RALYL: variants seen among roughly 807,000 people sequenced by gnomAD.
RALYL encodes the protein RALY RNA binding protein like, also known as RNA-binding Raly-like protein.
In RALYL, 29 loss-of-function variants were observed where a neutral mutation model predicts 35.1. The ratio of observed to expected loss-of-function variants is 0.83; its 90% CI spans 0.61 to 1.13. The LOEUF is 1.13. Among genes scored for constraint, RALYL ranks in the 50% most tolerant of loss-of-function variants. The pLI is 0.00. For missense variants in RALYL, 359 were observed against 360.4 expected, an observed-to-expected ratio of 1.00 and a Z score of 0.03; for synonymous variants, 120 against 127.6, an observed-to-expected ratio of 0.94 and a Z score of 0.40.
intron 2 of RALYL, among the ~76,000 whole-genome samples, chr8:84,687,417 A>G (rs1265142863): frequency 1.3e-5 from 2 of 152,142 alleles, no homozygotes; most frequent in African/African-American, 4.8e-5. Context: ...GAGTGAAAAC[A>G]ACATTATTAT....
At chr8:84,231,728 G>T (rs369384757) in intron 1 of RALYL, among the ~76,000 whole-genome samples, 3 of 152,110 alleles carry the variant, frequency 2.0e-5, no homozygotes, top group African/African-American at 7.2e-5. Flanking sequence ...GTAGTTGTTG[G>T]GTTATCATTG....
chr8:84,782,518 A>G (rs1394724166), intron 3 of RALYL, among the ~76,000 whole-genome samples: 1 of 152,236 alleles, frequency 6.6e-6, no homozygotes, highest in Non-Finnish European at 1.5e-5. Context: ...GATTCTTTCT[A>G]ACTGTTGGTT....
chr8:84,747,594 A>G (rs1446890540), intron 2 of RALYL, among the ~76,000 whole-genome samples: 3 of 151,956 alleles, frequency 2.0e-5, no homozygotes, highest in Non-Finnish European at 2.9e-5. Flanking sequence ...CAGTCTTCCT[A>G]AGAACATAAG....
intron 2 of RALYL, among the ~76,000 whole-genome samples, chr8:84,773,600 C>G (rs1163643157): frequency 7.0e-6 from 1 of 142,326 alleles, no homozygotes; most frequent in Non-Finnish European, 1.6e-5. Flanking sequence ...CATACTTAAA[C>G]CTCTTTTTGT....
chr8:84,704,476 C>CAT (rs1840803116), intron 2 of RALYL, among the ~76,000 whole-genome samples: 1 of 133,336 alleles, frequency 7.5e-6, no homozygotes, highest in Admixed American at 7.1e-5. Context: ...CACACACACA[C>CAT]ACACACAACA....
At chr8:84,467,116 G>A (rs1010823822) in intron 1 of RALYL, among the ~76,000 whole-genome samples, 2 of 151,914 alleles carry the variant, frequency 1.3e-5, no homozygotes, top group Non-Finnish European at 2.9e-5. Context: ...TTAATTTTTT[G>A]AAGGGTTTTT....
intron 1 of RALYL, among the ~76,000 whole-genome samples, chr8:84,292,658 A>G (rs1222371467): frequency 2.6e-5 from 4 of 152,178 alleles, no homozygotes; most frequent in Non-Finnish European, 5.9e-5. Flanking sequence ...ACCGCTGGTC[A>G]TCCTCACTGC....
chr8:84,660,021 GA>G (rs1341708874), intron 2 of RALYL, among the ~76,000 whole-genome samples: 3 of 152,044 alleles, frequency 2.0e-5, no homozygotes, highest in African/African-American at 7.2e-5. Flanking sequence ...GAGAATAATA[GA>G]ATAACACTTT....
At chr8:84,297,731 A>G (rs111833844) in intron 1 of RALYL, among the ~76,000 whole-genome samples, 4,114 of 152,158 alleles carry the variant, frequency 0.027, 101 homozygotes, top group Non-Finnish European at 0.031. Context: ...TGACTTTTTA[A>G]TAATGGCCAT....
At chr8:84,726,384 G>T (rs1220625216) in intron 2 of RALYL, among the ~76,000 whole-genome samples, 1 of 148,568 alleles carries the variant, frequency 6.7e-6, no homozygotes, top group Non-Finnish European at 1.5e-5. Flanking sequence ...ACAGATAATG[G>T]TTGAAAATTA....
intron 1 of RALYL, among the ~76,000 whole-genome samples, chr8:84,395,924 G>T (rs895548026): frequency 1.9e-4 from 29 of 151,842 alleles, no homozygotes; most frequent in African/African-American, 7.0e-4. Context: ...CTTGCTTCTA[G>T]GATAAGAATG....
intron 1 of RALYL, among the ~76,000 whole-genome samples, chr8:84,497,630 G>GTTTTTTTTTTTTTTTTTTTTTTTT (rs1181968193): frequency 8.4e-6 from 1 of 119,124 alleles, no homozygotes; most frequent in African/African-American, 3.2e-5. Context: ...TTTTTTTGTT[G>GTTTTTTTTTTTTTTTTTTTTTTTT]TTTTTGTTTT....
intron 1 of RALYL, among the ~76,000 whole-genome samples, chr8:84,249,158 G>T (rs1829709000): frequency 6.6e-6 from 1 of 152,058 alleles, no homozygotes; most frequent in African/African-American, 2.4e-5. Flanking sequence ...CAAAGGAGAT[G>T]ATATTCAAGA....
chr8:84,406,028 G>A, intron 1 of RALYL, among the ~76,000 whole-genome samples: 1 of 132,908 alleles, frequency 7.5e-6, no homozygotes, highest in African/African-American at 2.8e-5. Context: ...ATATGAAAAA[G>A]CAAGGTAATT....
chr8:84,291,793 T>G (rs1838816530), intron 1 of RALYL, among the ~76,000 whole-genome samples: 1 of 151,758 alleles, frequency 6.6e-6, no homozygotes, highest in African/African-American at 2.4e-5. Context: ...ATGCAGAGCC[T>G]CAATGAAGAT....
At chr8:84,688,247 A>C (rs1564376246) in intron 2 of RALYL, among the ~76,000 whole-genome samples, 1 of 152,110 alleles carries the variant, frequency 6.6e-6, no homozygotes, top group Non-Finnish European at 1.5e-5. Flanking sequence ...AGGCCTTGGA[A>C]TTCCATAATC....
chr8:84,558,297 A>G (rs530087281), intron 2 of RALYL, among the ~76,000 whole-genome samples: 1 of 152,266 alleles, frequency 6.6e-6, no homozygotes, highest in African/African-American at 2.4e-5. Flanking sequence ...AGTTGTACAA[A>G]TTTAAAAATA....
chr8:84,722,730 AT>A (rs1262176835), intron 2 of RALYL, among the ~76,000 whole-genome samples: 2 of 147,148 alleles, frequency 1.4e-5, no homozygotes, highest in African/African-American at 2.5e-5. Flanking sequence ...TATATATAAT[AT>A]TATACATATC....
intron 4 of RALYL, among the ~76,000 whole-genome samples, chr8:84,842,832 G>A (rs117443702): frequency 0.11 from 17,310 of 152,076 alleles, 1,131 homozygotes; most frequent in Middle Eastern, 0.13. Flanking sequence ...ATCAATAAAC[G>A]TTATCCAGCA....
Sources: gnomAD v4.1 joint callset for allele counts (sites outside exome capture counted in the v4.1 genomes callset) on GRCh38, gnomAD v4.1.1 for gene constraint, MANE v1.5 for transcripts, NCBI Gene and HGNC (gene_info 2026-07-23, HGNC 2026-07-21) for gene names.